ROBO2: variants seen among roughly 807,000 people sequenced by gnomAD.
The protein encoded by ROBO2 is roundabout guidance receptor 2.
ROBO2 carries 53 observed loss-of-function variants against 160.8 expected under a neutral mutation model. That is an observed-to-expected ratio of 0.33 (90% CI 0.26 to 0.41). The LOEUF is 0.41. Among genes scored for constraint, ROBO2 ranks in the 10% least tolerant of loss-of-function variants. ROBO2 has a pLI of 1.00. For synonymous variants in ROBO2, 664 were observed against 611.7 expected (o/e 1.09, Z -1.26); for missense variants, 1,577 against 1,722.4 (o/e 0.92, Z 1.49).
At chr3:76,582,617 A>G (rs1004859482) in intron 2 of ROBO2, among the ~76,000 whole-genome samples, 4 of 152,216 alleles carry the variant, frequency 2.6e-5, no homozygotes, top group Non-Finnish European at 4.4e-5. Flanking sequence ...AATTTGATTC[A>G]ATTAAGTATA....
At chr3:76,605,983 C>T (rs181658475) in intron 2 of ROBO2, among the ~76,000 whole-genome samples, 1 of 152,206 alleles carries the variant, frequency 6.6e-6, no homozygotes, top group African/African-American at 2.4e-5. Context: ...GGAGGAAAGC[C>T]AAGCTAGATA....
rs200374925 is a variant in ROBO2, at chr3:76,480,588, T to C, written c.109+542986T>C. Among the ~76,000 whole-genome samples, 6 of 152,270 alleles carry C rather than the reference T, an allele frequency of 3.9e-5. 1 individual carries two copies. In the East Asian group the frequency reaches 9.7e-4, roughly 25 times the overall value. On this transcript the variant is annotated intron_variant, in intron 2 of 26. Transcript: ENST00000487694. Reference sequence around the variant, plus strand: ...AGTCCAAGATCAAGGCAGTGATAGATTCAGTGTCTGGTGAGGGCCTGTGTA... The same window carrying C: ...AGTCCAAGATCAAGGCAGTGATAGACTCAGTGTCTGGTGAGGGCCTGTGTA...
intron 2 of ROBO2, among the ~76,000 whole-genome samples, chr3:76,785,143 G>GAT (rs141515582): frequency 0.01 from 1,545 of 151,098 alleles, 21 homozygotes; most frequent in African/African-American, 0.035. Context: ...GGTGATATGG[G>GAT]CCTTGATACA....
exon 17 of ROBO2, chr3:77,588,874 G>A (rs751023404): frequency 6.2e-7 from 1 of 1,613,560 alleles, no homozygotes; most frequent in South Asian, 1.1e-5. Context: ...ATTCTGATGG[G>A]TTTTAGCATA....
chr3:76,977,490 G>T (rs934303342), intron 2 of ROBO2, among the ~76,000 whole-genome samples: 1 of 152,048 alleles, frequency 6.6e-6, no homozygotes, highest in Non-Finnish European at 1.5e-5. Flanking sequence ...TACTAACATG[G>T]GTGCTGGTGC....
Position 77,056,905 on chromosome 3 carries a change from T to TA in ROBO2, c.61+16068dup, listed in dbSNP as rs199956519. Among the ~76,000 whole-genome samples, 80 of 151,038 alleles carry TA rather than the reference T, an allele frequency of 5.3e-4. 1 individual carries two copies. In the South Asian group the frequency reaches 5.5e-3, roughly 10 times the overall value. On this transcript the variant is annotated intron_variant, in intron 1 of 25. Transcript: ENST00000461745. ...GCACACGTACATACATATAATTTTG[T>TA]AAAAAAAAAGACCAAGTTCATAGGA...
intron 2 of ROBO2, among the ~76,000 whole-genome samples, chr3:76,346,928 C>T (rs2074567573): frequency 6.6e-6 from 1 of 152,028 alleles, no homozygotes; most frequent in Non-Finnish European, 1.5e-5. Flanking sequence ...TGATATACTC[C>T]CTAATGTGAA....
At chr3:76,064,011 A>G (rs894696950) in intron 2 of ROBO2, among the ~76,000 whole-genome samples, 1 of 152,040 alleles carries the variant, frequency 6.6e-6, no homozygotes, top group Non-Finnish European at 1.5e-5. Context: ...GTTGAAAGCA[A>G]CTCTCGTTGA....
chr3:76,643,203 G>A (rs893465548), intron 2 of ROBO2, among the ~76,000 whole-genome samples: 1 of 152,102 alleles, frequency 6.6e-6, no homozygotes, highest in African/African-American at 2.4e-5. Context: ...GTAAAAAAAT[G>A]TAATTGTTGT....
chr3:76,638,886 G>A (rs1182796526), intron 2 of ROBO2, among the ~76,000 whole-genome samples: 2 of 152,174 alleles, frequency 1.3e-5, no homozygotes, highest in Admixed American at 6.5e-5. Context: ...AGACTTGAAA[G>A]TAGACGATAA....
At chr3:77,396,429 A>T (rs1273928170) in intron 2 of ROBO2, among the ~76,000 whole-genome samples, 1 of 152,150 alleles carries the variant, frequency 6.6e-6, no homozygotes, top group Non-Finnish European at 1.5e-5. Context: ...CAAAAGAGTG[A>T]ATACGTGAAA....
chr3:77,175,117 C>T (rs4683993), intron 2 of ROBO2, among the ~76,000 whole-genome samples: 2 of 151,682 alleles, frequency 1.3e-5, no homozygotes, highest in Non-Finnish European at 1.5e-5. Flanking sequence ...CTCATTCTGC[C>T]GATGTGGAAA....
chr3:76,657,202 G>C (rs1368079330), intron 2 of ROBO2, among the ~76,000 whole-genome samples: 1 of 149,856 alleles, frequency 6.7e-6, no homozygotes, highest in African/African-American at 2.5e-5. Context: ...GAGGCAGGCA[G>C]ATCACGAGGT....
intron 2 of ROBO2, among the ~76,000 whole-genome samples, chr3:76,447,189 T>C (rs1386336984): frequency 6.6e-6 from 1 of 151,968 alleles, no homozygotes; most frequent in East Asian, 1.9e-4. Context: ...TCAAACAAAT[T>C]TACAAGAAAA....
intron 2 of ROBO2, among the ~76,000 whole-genome samples, chr3:76,705,973 CA>C (rs2107529056): frequency 6.6e-6 from 1 of 152,162 alleles, no homozygotes; most frequent in East Asian, 1.9e-4. Flanking sequence ...TCCAGTTATA[CA>C]TTTTTTTAAA....
At chr3:77,256,111 T>C (rs1371577341) in intron 2 of ROBO2, among the ~76,000 whole-genome samples, 1 of 152,212 alleles carries the variant, frequency 6.6e-6, no homozygotes, top group South Asian at 2.1e-4. Flanking sequence ...TTCAACAGAA[T>C]TTTGTCTGCA....
At chr3:76,374,005 T>C (rs2076227299) in intron 2 of ROBO2, among the ~76,000 whole-genome samples, 1 of 151,956 alleles carries the variant, frequency 6.6e-6, no homozygotes, top group Admixed American at 6.6e-5. Flanking sequence ...TTTGTTCACA[T>C]GGCAGCAGAT....
intron 2 of ROBO2, among the ~76,000 whole-genome samples, chr3:77,421,427 A>T (rs961476484): frequency 6.6e-6 from 1 of 152,130 alleles, no homozygotes; most frequent in Admixed American, 6.6e-5. Context: ...AATATTGGTT[A>T]ACAGAGGGTG....
chr3:76,575,325 TATAAA>T lies in ROBO2; in HGVS notation c.110-522685_110-522681del, dbSNP rs761073949. ...CTAATACTTTCTTCTCTCCTAATAC[TATAAA>T]ATATTTCTTTATATTACTAATATTT... On this transcript the variant is annotated intron_variant, in intron 2 of 26. Transcript: ENST00000487694. 3.3e-5 allele frequency among the ~76,000 whole-genome samples: 5 copies of T among 152,156 alleles called. No homozygotes were observed. In the South Asian group the frequency reaches 8.3e-4, roughly 25 times the overall value.
Sources: gnomAD v4.1 joint callset for allele counts (sites outside exome capture counted in the v4.1 genomes callset) on GRCh38, gnomAD v4.1.1 for gene constraint, MANE v1.5 for transcripts, NCBI Gene and HGNC (gene_info 2026-07-23, HGNC 2026-07-21) for gene names.